PAK2: variants seen among roughly 807,000 people sequenced by gnomAD.
PAK2 encodes p21 (RAC1) activated kinase 2, also known as serine/threonine-protein kinase PAK 2.
In PAK2, 21 loss-of-function variants were observed where a neutral mutation model predicts 65.9. The observed-to-expected ratio is 0.32, with a 90% CI of 0.23 to 0.46. The LOEUF is 0.46. Among genes scored for constraint, PAK2 ranks in the 20% least tolerant of loss-of-function variants. The pLI is 1.00. For synonymous variants in PAK2, 204 were observed against 219.7 expected (o/e 0.93, Z 0.63); for missense variants, 324 against 642.6 (o/e 0.50, Z 5.36).
intron 3 of PAK2, 98 bp from the exon 4 acceptor site, chr3:196,802,919 A>G (rs1392417710): frequency 8.3e-6 from 6 of 719,072 alleles, no homozygotes; most frequent in Non-Finnish European, 1.3e-5. Flanking sequence ...TACACTCAAA[A>G]GATTGGTTTG....
intron 1 of PAK2, among the ~76,000 whole-genome samples, chr3:196,758,092 A>G (rs1343763337): frequency 1.3e-5 from 2 of 152,228 alleles, no homozygotes; most frequent in African/African-American, 2.4e-5. Flanking sequence ...TATTCATTCA[A>G]GAAATAATGA....
At position 196,830,815 on chromosome 3, in the gene PAK2, T is replaced by G. The variant is rs979206634; in HGVS notation, c.*2410T>G. The stretch of plus-strand genomic sequence containing the variant: ...AACAATCTTAAAAGTAATACAGAAT[T>G]GTGATTTATTAATTTTAAAACATTC... On this transcript the variant is annotated 3_prime_UTR_variant, in exon 15 of 15. Coordinates refer to ENST00000327134, the MANE Select transcript of PAK2 (RefSeq NM_002577.4). 5 of 152,316 alleles carry G rather than the reference T, an allele frequency of 3.3e-5. No homozygotes were observed. Among genetic ancestry groups the G allele is most frequent in the Non-Finnish European group, 7.3e-5 (5 of 68,030 alleles). The allele number at this position is 152,316 out of a possible 1,614,324, so 9.4% of individuals were successfully genotyped here. A position where few individuals can be genotyped will look rare whatever the true frequency, so the allele number is the denominator to read the frequency against.
At chr3:196,773,153 A>G (rs533850977) in intron 1 of PAK2, among the ~76,000 whole-genome samples, 15 of 152,244 alleles carry the variant, frequency 9.9e-5, no homozygotes, top group African/African-American at 3.6e-4. Flanking sequence ...CTCTTAGAAG[A>G]GTACAGTGTG....
chr3:196,767,694 T>C (rs922799308), intron 1 of PAK2, among the ~76,000 whole-genome samples: 1 of 151,998 alleles, frequency 6.6e-6, no homozygotes, highest in Non-Finnish European at 1.5e-5. Flanking sequence ...CGGGGTTTCA[T>C]CATGTTAGCC....
chr3:196,830,274 CTG>C lies in PAK2; in HGVS notation c.*1871_*1872del, dbSNP rs1421091004. On this transcript the variant is annotated 3_prime_UTR_variant, in exon 15 of 15. Transcript: ENST00000327134. Reference sequence around the variant, plus strand: ...ACATATTTAGAGCACTTAATGGTCTCTGTTTTCAATATAATTCTTGATTTCAT... The same window carrying C: ...ACATATTTAGAGCACTTAATGGTCTCTTTTCAATATAATTCTTGATTTCAT... 2.6e-5 allele frequency: 4 copies of C among 152,104 alleles called. No homozygotes were observed. Among genetic ancestry groups the C allele is most frequent in the African/African-American group, 7.2e-5 (3 of 41,422 alleles). 9.4% of individuals were successfully genotyped at this position (152,104 alleles called of 1,614,324 possible).
intron 2 of PAK2, among the ~76,000 whole-genome samples, chr3:196,796,870 C>A (rs1287377514): frequency 6.6e-6 from 1 of 152,086 alleles, no homozygotes; most frequent in African/African-American, 2.4e-5. Context: ...ATAATAGGAC[C>A]AGTTCATTAA....
At chr3:196,750,788 T>C (rs1713553713) in intron 1 of PAK2, among the ~76,000 whole-genome samples, 1 of 151,910 alleles carries the variant, frequency 6.6e-6, no homozygotes, top group South Asian at 2.1e-4. Context: ...ATGTTTATTA[T>C]AATAAATGCT....
At chr3:196,822,317 A>G (rs980397385) in intron 13 of PAK2, among the ~76,000 whole-genome samples, 2 of 152,204 alleles carry the variant, frequency 1.3e-5, no homozygotes, top group Non-Finnish European at 2.9e-5. Context: ...ATAAATCAGA[A>G]TAATGTGTCA....
intron 2 of PAK2, among the ~76,000 whole-genome samples, chr3:196,795,304 AAG>A (rs1352698564): frequency 8.6e-5 from 13 of 151,582 alleles, no homozygotes; most frequent in African/African-American, 3.1e-4. Context: ...AAAAAAAAAA[AAG>A]AAAAAAAGAA....
At chr3:196,811,769 C>T (rs1338716082) in intron 8 of PAK2, among the ~76,000 whole-genome samples, 1 of 152,096 alleles carries the variant, frequency 6.6e-6, no homozygotes, top group South Asian at 2.1e-4. Context: ...TATAGGGATA[C>T]ATATCTGCGT....
intron 1 of PAK2, among the ~76,000 whole-genome samples, chr3:196,746,483 T>G (rs1350653084): frequency 6.6e-6 from 1 of 152,144 alleles, no homozygotes; most frequent in East Asian, 1.9e-4. Flanking sequence ...CGGAATTTAT[T>G]GAAAGGTTAG....
chr3:196,826,467 C>T (rs143105563), intron 13 of PAK2, among the ~76,000 whole-genome samples: 8,200 of 151,782 alleles, frequency 0.054, 286 homozygotes, highest in Admixed American at 0.079. Flanking sequence ...CCACCATGCC[C>T]GGCCTTGGTT....
At chr3:196,799,342 C>T (rs749667025) in intron 2 of PAK2, among the ~76,000 whole-genome samples, 25 of 152,270 alleles carry the variant, frequency 1.6e-4, no homozygotes, top group Admixed American at 5.9e-4. Context: ...AAACAGTGTG[C>T]GCTCTGCACT....
At chr3:196,817,792 A>G (rs1382856019) in intron 11 of PAK2, among the ~76,000 whole-genome samples, 1 of 152,202 alleles carries the variant, frequency 6.6e-6, no homozygotes, top group African/African-American at 2.4e-5. Context: ...CCAGCTAAAC[A>G]ATGTCTCTGA....
intron 11 of PAK2, among the ~76,000 whole-genome samples, chr3:196,817,568 GT>G (rs1711518337): frequency 6.6e-6 from 1 of 152,222 alleles, no homozygotes; most frequent in Non-Finnish European, 1.5e-5. Flanking sequence ...GGCCAGGCTG[GT>G]CTCGAACTGC....
rs185840735 is a variant in PAK2, at chr3:196,831,199, A to G, written c.*2794A>G. 3 of 152,220 alleles carry G rather than the reference A, an allele frequency of 2.0e-5. No homozygotes were observed. Among genetic ancestry groups the G allele is most frequent in the Non-Finnish European group, 4.4e-5 (3 of 68,008 alleles). The allele number at this position is 152,220 out of a possible 1,614,324, so 9.4% of individuals were successfully genotyped here. On this transcript the variant is annotated 3_prime_UTR_variant, in exon 15 of 15. Coordinates refer to ENST00000327134, the MANE Select transcript of PAK2 (RefSeq NM_002577.4). ...CACTGCACCTGGCCTCATGTTTTTT[A>G]AATAATTGCCTTTTATATTTACCCT...
chr3:196,805,776 C>T (rs1344949354), intron 5 of PAK2, among the ~76,000 whole-genome samples: 1 of 152,066 alleles, frequency 6.6e-6, no homozygotes, highest in Middle Eastern at 3.2e-3. Context: ...TCAGAGTCAT[C>T]TGAAACTTAA....
In PAK2 at chr3:196,820,677, A is replaced by G. The variant is rs2108773101; in HGVS notation, c.1350+110A>G. The stretch of plus-strand genomic sequence containing the variant: ...GAATTTAAAGTAGAAGGTTGATAAA[A>G]CCTAATCTCTGCCCCTAACTCTGCA... On this transcript the variant is annotated intron_variant, in intron 13 of 14. Transcript: ENST00000327134. This position sits in a 1 kb window ranked among gnomAD's most constrained non-coding sequence, Gnocchi z 4.6. 1.9e-6 allele frequency: 1 copy of G among 532,784 alleles called. No homozygotes were observed. The highest frequency in any genetic ancestry group is 1.9e-5 in the African/African-American group (1 of 51,786). The allele number at this position is 532,784 out of a possible 1,614,324, so 33.0% of individuals were successfully genotyped here.
At chr3:196,826,715 G>A (rs1711889692) in intron 13 of PAK2, among the ~76,000 whole-genome samples, 1 of 151,964 alleles carries the variant, frequency 6.6e-6, no homozygotes, top group Non-Finnish European at 1.5e-5. Context: ...GAGGTCAGGA[G>A]TTCAAGACCA....
Sources: allele counts gnomAD v4.1 joint callset (sites outside exome capture counted in the v4.1 genomes callset), GRCh38; gene constraint gnomAD v4.1.1; non-coding constraint Gnocchi (gnomAD v3.1); transcripts MANE v1.5; gene names NCBI Gene and HGNC (gene_info 2026-07-23, HGNC 2026-07-21).